RPL9: variants seen among roughly 807,000 people sequenced by gnomAD.
The protein encoded by RPL9 is large ribosomal subunit protein uL6.
For synonymous variants in RPL9, 82 were observed against 77.1 expected (o/e 1.06, Z -0.33); for missense variants, 149 against 236.7 (o/e 0.63, Z 2.43).
At chr4:39,458,368 T>G (rs1375168671) in intron 2 of RPL9, 26 bp downstream of exon 2, 2 of 1,613,996 alleles carry the variant, frequency 1.2e-6, no homozygotes, top group Non-Finnish European at 1.7e-6. Flanking sequence ...AGTAAAGATG[T>G]AAGTAAAAGA....
chr4:39,455,285 T>C, intron 5 of RPL9: 1 of 188,606 alleles, frequency 5.3e-6, no homozygotes, highest in South Asian at 1.2e-4. Context: ...GAGGCAGGGG[T>C]TTATTTTTAA....
chr4:39,456,689 A>T, intron 4 of RPL9, 151 bp from the exon 5 acceptor site: 1 of 828,162 alleles, frequency 1.2e-6, no homozygotes, highest in Non-Finnish European at 1.9e-6. Context: ...CCTTATAAAC[A>T]TTGTTCTGTC....
Position 39,458,238 on chromosome 4 carries a change from G to C in RPL9, c.118C>G (p.His40Asp). 1 of 1,614,082 alleles carries C rather than the reference G, an allele frequency of 6.2e-7. No individual in the cohort carries two copies. Among genetic ancestry groups the C allele is most frequent in the Non-Finnish European group, 8.5e-7 (1 of 1,180,022 alleles). Reference sequence around the variant, plus strand: ...AGAAGGCTGAGTTCTACATTGATGTGATTGAAGTCCCTCCGCAGGGTTCCT... The same window carrying C: ...AGAAGGCTGAGTTCTACATTGATGTCATTGAAGTCCCTCCGCAGGGTTCCT... ...PRGTLRRDFN[H>D]INVELSLLGK... Residue 40 changes from histidine (H) to aspartate (D), a missense_variant, in exon 3 of 8, where the codon CAC becomes GAC. By Grantham distance (81) the His-to-Asp change is moderately conservative. Transcript: ENST00000295955.
chr4:39,457,504 G>C (rs1560660692), intron 4 of RPL9, 82 bp downstream of exon 4: 1 of 1,189,722 alleles, frequency 8.4e-7, no homozygotes, highest in Admixed American at 1.7e-5. Context: ...CCCATTCTCT[G>C]AAAGAGACAC....
At position 39,454,339 on chromosome 4, in the gene RPL9, C is replaced by T. The variant is rs183121157; in HGVS notation, c.*11-114G>A. ...TCTAAAACATACCTCAAGACTATGACTTACTGATTCATAGTAAACTATACG... is the reference window on the plus strand; with the variant it reads ...TCTAAAACATACCTCAAGACTATGATTTACTGATTCATAGTAAACTATACG... On this transcript the variant is annotated intron_variant, in intron 7 of 7. Coordinates refer to ENST00000295955, the MANE Select transcript of RPL9 (RefSeq NM_000661.5). 99 of 524,074 alleles carry T rather than the reference C, an allele frequency of 1.9e-4. 1 individual carries two copies. In the Admixed American group the frequency reaches 2.9e-3, roughly 15 times the overall value. The allele number at this position is 524,074 out of a possible 1,614,324, so 32.5% of individuals were successfully genotyped here. A position where few individuals can be genotyped will look rare whatever the true frequency, so the allele number is the denominator to read the frequency against.
At chr4:39,455,028 A>G in intron 5 of RPL9, 84 bp from the exon 6 acceptor site, 1 of 1,324,468 alleles carries the variant, frequency 7.6e-7, no homozygotes, top group South Asian at 1.3e-5. Flanking sequence ...ATTCCATGTA[A>G]AACTCCATGC....
chr4:39,458,716 T>C (rs887408180), intron 1 of RPL9, 175 bp downstream of exon 1: 2 of 638,178 alleles, frequency 3.1e-6, no homozygotes, highest in African/African-American at 1.8e-5. Context: ...GGGGCGGGAA[T>C]AGGCCAAAAA....
chr4:39,454,718 T>G, intron 6 of RPL9, 69 bp from the exon 7 acceptor site: 1 of 1,465,592 alleles, frequency 6.8e-7, no homozygotes, highest in Non-Finnish European at 9.3e-7. Flanking sequence ...TATTTCATTA[T>G]GTGCTGTACT....
chr4:39,457,938 C>A, intron 3 of RPL9: 1 of 632,538 alleles, frequency 1.6e-6, no homozygotes, highest in Non-Finnish European at 2.8e-6. Flanking sequence ...ACAAAGCAAT[C>A]ACTAGGAAAA....
intron 1 of RPL9, 71 bp from the exon 2 acceptor site, chr4:39,458,511 TC>T: frequency 6.6e-7 from 1 of 1,516,730 alleles, no homozygotes; most frequent in Non-Finnish European, 9.1e-7. Context: ...CGCACAGAGC[TC>T]CACTCCTACT....
chr4:39,456,038 T>G (rs1744072692), intron 5 of RPL9: 1 of 284,014 alleles, frequency 3.5e-6, no homozygotes, highest in Admixed American at 4.9e-5. Context: ...TTAGCCTGAT[T>G]TAGTCATTCC....
rs755200963 is a variant in RPL9 at position 39,456,433 on chromosome 4, A to G, written c.364T>C (p.Tyr122His). ...GGTCTCATCCGAACCCTGCGGATATATTTTTCACCCAAGAAATTTCGGATT... is the reference window on the plus strand; with the variant it reads ...GGTCTCATCCGAACCCTGCGGATATGTTTTTCACCCAAGAAATTTCGGATT... ...VEIRNFLGEK[Y>H]IRRVRMRPGV... Residue 122 changes from tyrosine (Y) to histidine (H), a missense_variant, in exon 5 of 8, where the codon TAT becomes CAT. By Grantham distance (83) the Tyr-to-His change is moderately conservative (BLOSUM62 2). Transcript: ENST00000295955. The G allele has an allele frequency of 1.2e-6, 2 of 1,613,956 alleles. No individual in the cohort carries two copies. The highest frequency in any genetic ancestry group is 1.7e-6 in the Non-Finnish European group (2 of 1,179,908).
In RPL9 at chr4:39,457,534, G is replaced by A. The variant is rs2608830; in HGVS notation, c.258+52C>T. The stretch of plus-strand genomic sequence containing the variant: ...AGACACTTACGCTGTATAAAGCACA[G>A]GTTTGAGAAACCTCCCTTTCCAAAA... On this transcript the variant is annotated intron_variant, in intron 4 of 7. Coordinates refer to ENST00000295955, the MANE Select transcript of RPL9 (RefSeq NM_000661.5). 0.18 allele frequency: 256,285 copies of A among 1,405,728 alleles called. 24,521 individuals are homozygous for A. Among genetic ancestry groups the A allele is most frequent in the Middle Eastern group, 0.21 (966 of 4,574 alleles). 87.1% of individuals were successfully genotyped at this position (1,405,728 alleles called of 1,614,324 possible).
Position 39,458,460 on chromosome 4 carries a change from G to A in RPL9, c.-1-20C>T, listed in dbSNP as rs759767810. ...TTCATTCTGAAACACAAACACTGGG[G>A]GTGAGGCCGACGCAAGGCCCGTTTT... On this transcript the variant is annotated intron_variant, in intron 1 of 7. Transcript: ENST00000295955. 2.5e-6 allele frequency: 4 copies of A among 1,613,552 alleles called. No individual in the cohort carries two copies. Among genetic ancestry groups the A allele is most frequent in the Admixed American group, 3.3e-5 (2 of 59,996 alleles).
chr4:39,456,693 TTC>T, intron 4 of RPL9, 155 bp from the exon 5 acceptor site: 1 of 796,254 alleles, frequency 1.3e-6, no homozygotes, highest in South Asian at 1.9e-5. Flanking sequence ...ATAAACATTG[TTC>T]TGTCTATTCA....
intron 7 of RPL9, 44 bp from the exon 8 acceptor site, chr4:39,454,269 T>C (rs1744001013): frequency 3.8e-6 from 1 of 266,100 alleles, no homozygotes; most frequent in African/African-American, 2.2e-5. Context: ...ATCAATACAC[T>C]TGCCCAGGAA....
chr4:39,458,018 T>G (rs747344529), intron 3 of RPL9, 176 bp downstream of exon 3: 1 of 728,788 alleles, frequency 1.4e-6, no homozygotes, highest in South Asian at 1.5e-5. Flanking sequence ...TTTATATAAT[T>G]GGCTGTGTTC....
At chr4:39,458,120 A>G in intron 3 of RPL9, 74 bp downstream of exon 3, 1 of 1,455,842 alleles carries the variant, frequency 6.9e-7, no homozygotes, top group Non-Finnish European at 9.5e-7. Flanking sequence ...GAAAATTGTT[A>G]AAGCAACCAA....
chr4:39,456,864 GACC>G, intron 4 of RPL9: 2 of 231,312 alleles, frequency 8.6e-6, no homozygotes, highest in Non-Finnish European at 1.7e-5. Context: ...CAGGAATTGA[GACC>G]ACCAAGCCAA....
Sources: gnomAD v4.1 joint callset for allele counts on GRCh38, gnomAD v4.1.1 for gene constraint, MANE v1.5 for transcripts, NCBI Gene and HGNC (gene_info 2026-07-23, HGNC 2026-07-21) for gene names.